Variants in KIF13A observed in about 807,000 individuals in gnomAD.
The protein encoded by KIF13A is kinesin family member 13A, also known as kinesin-like protein KIF13A.
A neutral mutation model predicts 212.2 loss-of-function variants in KIF13A; 79 were observed. The ratio of observed to expected loss-of-function variants is 0.37; its 90% confidence interval spans 0.31 to 0.45. The LOEUF is 0.45. Among genes scored for constraint, KIF13A ranks in the 20% least tolerant of loss-of-function variants. The pLI is 1.00. For synonymous variants in KIF13A, 789 were observed against 808.6 expected (o/e 0.98, Z 0.41); for missense variants, 1,901 against 2,209.0 (o/e 0.86, Z 2.79).
At position 17,838,642 on chromosome 6, in the gene KIF13A, TAAAA is replaced by T. The variant is rs1252658895; in HGVS notation, c.831-1063_831-1060del. Among the ~76,000 whole-genome samples, 1 of 151,910 alleles carries T rather than the reference TAAAA, an allele frequency of 6.6e-6. No individual in the cohort carries two copies. The highest frequency in any genetic ancestry group is 1.5e-5 in the Non-Finnish European group (1 of 67,992). ...CTTAAGTGAAACAAGTCAAAAAAAT[TAAAA>T]TAAAAATATATAAAAGAAACAAGTC... On this transcript the variant is annotated intron_variant, in intron 9 of 38. Coordinates refer to ENST00000259711, the MANE Select transcript of KIF13A (RefSeq NM_022113.6). The surrounding 1 kb of genome is among the most constrained non-coding windows in gnomAD (Gnocchi z 4.2).
chr6:17,879,474 A>T (rs1042244648), intron 3 of KIF13A, among the ~76,000 whole-genome samples: 4 of 152,204 alleles, frequency 2.6e-5, no homozygotes, highest in Admixed American at 6.5e-5. Flanking sequence ...TTACTTTCAC[A>T]TGCATGGTTT....
intron 16 of KIF13A, among the ~76,000 whole-genome samples, chr6:17,824,485 C>A (rs868177384): frequency 6.6e-6 from 1 of 151,838 alleles, no homozygotes; most frequent in African/African-American, 2.4e-5. Flanking sequence ...CTCGGCTGGG[C>A]GTGGTGGCTC....
At chr6:17,975,577 G>C (rs924695762) in intron 2 of KIF13A, among the ~76,000 whole-genome samples, 14 of 152,106 alleles carry the variant, frequency 9.2e-5, no homozygotes, top group Admixed American at 9.2e-4. Context: ...AGAACAAAAC[G>C]CGAACAAGTT....
intron 2 of KIF13A, among the ~76,000 whole-genome samples, chr6:17,980,595 G>C (rs948388727): frequency 2.6e-5 from 4 of 151,822 alleles, no homozygotes; most frequent in African/African-American, 9.7e-5. Flanking sequence ...TGAAAGTCTT[G>C]AAAAAAGATT....
At position 17,984,556 on chromosome 6, in the gene KIF13A, TG is replaced by T; in HGVS notation, c.146+2497del. 2.0e-6 allele frequency: 2 copies of T among 984,398 alleles called. No individual in the cohort carries two copies. Among genetic ancestry groups the T allele is most frequent in the Non-Finnish European group, 2.4e-6 (2 of 829,402 alleles). The allele number at this position is 984,398 out of a possible 1,614,324, so 61.0% of individuals were successfully genotyped here. A position where few individuals can be genotyped will look rare whatever the true frequency, so the allele number is the denominator to read the frequency against. ...CAGTCTTGGCTTTGGTTTTGTAAAA[TG>T]GGGAAACAATGAAAGCTGACCCCAT... On this transcript the variant is annotated intron_variant, in intron 2 of 38. Coordinates refer to ENST00000259711, the MANE Select transcript of KIF13A (RefSeq NM_022113.6). The surrounding 1 kb of genome is among the most constrained non-coding windows in gnomAD (Gnocchi z 5.0).
In KIF13A at chr6:17,789,925, TA is replaced by T. The variant is rs1354817867; in HGVS notation, c.3223-16del. On this transcript the variant is annotated splice_polypyrimidine_tract_variant and intron_variant, in intron 25 of 38. Coordinates refer to ENST00000259711, the MANE Select transcript of KIF13A (RefSeq NM_022113.6). The surrounding 1 kb of genome is among the most constrained non-coding windows in gnomAD (Gnocchi z 4.8). ...TCATCATCTCTCTGGTAGGAAAAAATAAACACAAAGGACAAGCATTTTGTTT... is the reference window on the plus strand; with the variant it reads ...TCATCATCTCTCTGGTAGGAAAAAATAACACAAAGGACAAGCATTTTGTTT... 4 of 1,609,826 alleles carry T rather than the reference TA, an allele frequency of 2.5e-6. No individual in the cohort carries two copies. The highest frequency in any genetic ancestry group is 3.4e-6 in the Non-Finnish European group (4 of 1,176,766).
At chr6:17,959,765 C>G (rs1243741154) in intron 2 of KIF13A, among the ~76,000 whole-genome samples, 2 of 152,168 alleles carry the variant, frequency 1.3e-5, no homozygotes, top group African/African-American at 4.8e-5. Flanking sequence ...GGCTCACGCC[C>G]GTAATCCCAG....
Position 17,783,747 on chromosome 6 carries a change from C to A in KIF13A, c.3489-46G>T. 7.8e-7 allele frequency: 1 copy of A among 1,275,750 alleles called. No individual in the cohort carries two copies. The highest frequency in any genetic ancestry group is 1.1e-6 in the Non-Finnish European group (1 of 896,034). 79.0% of individuals were successfully genotyped at this position (1,275,750 alleles called of 1,614,324 possible). A position where few individuals can be genotyped will look rare whatever the true frequency, so the allele number is the denominator to read the frequency against. The stretch of plus-strand genomic sequence containing the variant: ...TAATCATAACAAAATATGTATTTTA[C>A]ATCTTGTTAGCTGATAAAACACCAC... On this transcript the variant is annotated intron_variant, in intron 28 of 38. Transcript: ENST00000259711. This position sits in a 1 kb window ranked among gnomAD's most constrained non-coding sequence, Gnocchi z 4.3.
intron 2 of KIF13A, among the ~76,000 whole-genome samples, chr6:17,903,824 G>C (rs970881853): frequency 6.6e-6 from 1 of 152,076 alleles, no homozygotes; most frequent in African/African-American, 2.4e-5. Context: ...AGAGTAAATG[G>C]GGGGAGCGGG....
chr6:17,808,681 G>T, intron 18 of KIF13A, 87 bp downstream of exon 18: 2 of 1,257,980 alleles, frequency 1.6e-6, no homozygotes, highest in Non-Finnish European at 2.2e-6. Context: ...ATCTCCTCAG[G>T]CATGTTTCTG....
At chr6:17,975,301 T>C (rs1443990592) in intron 2 of KIF13A, among the ~76,000 whole-genome samples, 1 of 151,748 alleles carries the variant, frequency 6.6e-6, no homozygotes, top group Admixed American at 6.6e-5. Context: ...TGCAATGAGC[T>C]GAGACTGTGT....
At chr6:17,908,591 G>A (rs984025104) in intron 2 of KIF13A, among the ~76,000 whole-genome samples, 11 of 151,868 alleles carry the variant, frequency 7.2e-5, no homozygotes, top group African/African-American at 1.7e-4. Context: ...GCGACAGAGC[G>A]AGACTGTCTT....
chr6:17,772,123 G>A lies in KIF13A; in HGVS notation c.4325-64C>T, dbSNP rs1759549169. The stretch of plus-strand genomic sequence containing the variant: ...ACACTTTAAGCAAAACATAGGAACT[G>A]AGACAATGACCCAGCCATGGGAATA... On this transcript the variant is annotated intron_variant, in intron 36 of 38. Coordinates refer to ENST00000259711, the MANE Select transcript of KIF13A (RefSeq NM_022113.6). This position sits in a 1 kb window ranked among gnomAD's most constrained non-coding sequence, Gnocchi z 4.8. The A allele has an allele frequency of 2.1e-6, 3 of 1,447,654 alleles. No homozygotes were observed. The highest frequency in any genetic ancestry group is 2.9e-6 in the Non-Finnish European group (3 of 1,040,478). 89.7% of individuals were successfully genotyped at this position (1,447,654 alleles called of 1,614,324 possible).
chr6:17,830,760 T>C (rs1765375863), intron 13 of KIF13A, among the ~76,000 whole-genome samples: 1 of 152,192 alleles, frequency 6.6e-6, no homozygotes, highest in Non-Finnish European at 1.5e-5. Context: ...CCAGAGCTTC[T>C]CAGGAGCTTT....
chr6:17,764,840 C>T lies in KIF13A; in HGVS notation c.4688G>A (p.Ser1563Asn). ...EFADFSVYNA[S>N]LENREWFSSK... The stretch of plus-strand genomic sequence containing the variant: ...GGAAAACCATTCCCTGTTCTCCAAG[C>T]TGGCATTGTAAACACTGAAGTCAGC... The change falls in exon 39 of 39, where the codon AGC becomes AAC. Residue 1563 changes from serine to asparagine, a missense_variant. Coordinates refer to ENST00000259711, the MANE Select transcript of KIF13A (RefSeq NM_022113.6). The surrounding 1 kb of genome is among the most constrained non-coding windows in gnomAD (Gnocchi z 5.1). The T allele has an allele frequency of 1.2e-6, 2 of 1,613,876 alleles. No individual in the cohort carries two copies. The highest frequency in any genetic ancestry group is 1.7e-6 in the Non-Finnish European group (2 of 1,179,828).
In KIF13A at chr6:17,834,589, G is replaced by A. The variant is rs1376552557; in HGVS notation, c.1156-518C>T. 6.6e-6 allele frequency among the ~76,000 whole-genome samples: 1 copy of A among 152,226 alleles called. No individual in the cohort carries two copies. Among genetic ancestry groups the A allele is most frequent in the East Asian group, 1.9e-4 (1 of 5,202 alleles). On this transcript the variant is annotated intron_variant, in intron 11 of 38. Transcript: ENST00000259711. This position sits in a 1 kb window ranked among gnomAD's most constrained non-coding sequence, Gnocchi z 4.0. The stretch of plus-strand genomic sequence containing the variant: ...TATCATTATCATTCACCCAGAAGCA[G>A]CACAGCTGGCTAAAAAGGCAGTGGT...
At chr6:17,909,361 C>T (rs1348364644) in intron 2 of KIF13A, among the ~76,000 whole-genome samples, 2 of 151,688 alleles carry the variant, frequency 1.3e-5, no homozygotes, top group Non-Finnish European at 2.9e-5. Context: ...CATGGCGAAA[C>T]CCTGTCTCTA....
intron 17 of KIF13A, among the ~76,000 whole-genome samples, chr6:17,814,169 T>C (rs1356240825): frequency 6.6e-6 from 1 of 151,536 alleles, no homozygotes; most frequent in African/African-American, 2.4e-5. Context: ...GCCAGGATGG[T>C]CTTGATCTCC....
chr6:17,787,567 CTT>C lies in KIF13A; in HGVS notation c.3361+207_3361+208del, dbSNP rs1761164875. On this transcript the variant is annotated intron_variant, in intron 27 of 38. Transcript: ENST00000259711. The surrounding 1 kb of genome is among the most constrained non-coding windows in gnomAD (Gnocchi z 4.6). ...TCAGGAGGCTGAGGCAGGAGGATCT[CTT>C]GAGGCCAGGAGTTAGAGGCTGCAGT... Among the ~76,000 whole-genome samples the C allele has an allele frequency of 6.6e-6, 1 of 152,126 alleles. No individual in the cohort carries two copies. Among genetic ancestry groups the C allele is most frequent in the African/African-American group, 2.4e-5 (1 of 41,414 alleles).
Sources: gnomAD v4.1 joint callset for allele counts (sites outside exome capture counted in the v4.1 genomes callset) on GRCh38, gnomAD v4.1.1 for gene constraint, Gnocchi (gnomAD v3.1) non-coding constraint, MANE v1.5 for transcripts, NCBI Gene and HGNC (gene_info 2026-07-23, HGNC 2026-07-21) for gene names.